The following ANO6 variants were observed in gnomAD, a reference collection of about 807,000 sequenced individuals.
ANO6 encodes anoctamin 6, also known as anoctamin-6.
Under a neutral mutation model 117.5 loss-of-function variants are expected in ANO6, and 106 were observed. The observed-to-expected ratio is 0.90, with a 90% CI of 0.77 to 1.06. The LOEUF is 1.06. Ranked by LOEUF, ANO6 falls within the 50% of genes least tolerant of loss-of-function variation. The probability of loss-of-function intolerance (pLI) is 0.00; values close to 1 mark genes in which losing one functional copy is unlikely to be tolerated. For missense variants in ANO6, 955 were observed against 1,121.1 expected, an observed-to-expected ratio of 0.85 and a Z score of 2.12; for synonymous variants, 367 against 385.1, an observed-to-expected ratio of 0.95 and a Z score of 0.55.
Position 45,417,013 on chromosome 12 carries a change from C to T in ANO6, c.2217+109C>T, listed in dbSNP as rs1382391934. The T allele has an allele frequency of 3.9e-6, 4 of 1,038,942 alleles. No individual in the cohort carries two copies. The African/African-American group carries it at 4.8e-5, about 12-fold the overall frequency. The allele number at this position is 1,038,942 out of a possible 1,614,324, so 64.4% of individuals were successfully genotyped here. A position where few individuals can be genotyped will look rare whatever the true frequency, so the allele number is the denominator to read the frequency against. ...TTAAAATGAGAGGAAGATGCTAAGT[C>T]TGTCATCCACATAAATGATATAGTT... On this transcript the variant is annotated intron_variant, in intron 17 of 19. Transcript: ENST00000320560.
intron 10 of ANO6, among the ~76,000 whole-genome samples, chr12:45,383,953 G>C (rs1040548637): frequency 6.6e-6 from 1 of 152,218 alleles, no homozygotes; most frequent in African/African-American, 2.4e-5. Flanking sequence ...CTCTAGCTGT[G>C]AAAGTCCCAG....
chr12:45,431,466 A>G lies in ANO6; in HGVS notation c.*2155A>G. The G allele has an allele frequency of 1.0e-6, 1 of 985,372 alleles. No homozygotes were observed. Among genetic ancestry groups the G allele is most frequent in the Non-Finnish European group, 1.2e-6 (1 of 829,920 alleles). 61.0% of individuals were successfully genotyped at this position (985,372 alleles called of 1,614,324 possible). On this transcript the variant is annotated 3_prime_UTR_variant, in exon 20 of 20. Coordinates refer to ENST00000320560, the MANE Select transcript of ANO6 (RefSeq NM_001025356.3). The stretch of plus-strand genomic sequence containing the variant: ...ATGATAGAACTTAAAAGAAATGTGC[A>G]TTTGTTTTCATAGCCCCAGCAGAGA...
At chr12:45,270,461 G>T in intron 1 of ANO6, 1 of 1,523,460 alleles carries the variant, frequency 6.6e-7, no homozygotes, top group Non-Finnish European at 8.8e-7. Context: ...TCATCCTTCA[G>T]GTGATGTTCC....
At chr12:45,230,086 A>G (rs1947552428) in intron 1 of ANO6, among the ~76,000 whole-genome samples, 1 of 152,036 alleles carries the variant, frequency 6.6e-6, no homozygotes, top group African/African-American at 2.4e-5. Context: ...GTTTTTTATT[A>G]GAGATTTCGC....
intron 19 of ANO6, among the ~76,000 whole-genome samples, chr12:45,438,247 GTGTA>G (rs1021245408): frequency 1.8e-5 from 2 of 113,462 alleles, no homozygotes; most frequent in African/African-American, 6.2e-5. Context: ...ACATATTTGC[GTGTA>G]TGTGTGTGTG....
chr12:45,228,792 C>T (rs73281306), intron 1 of ANO6, among the ~76,000 whole-genome samples: 2,081 of 152,288 alleles, frequency 0.014, 38 homozygotes, highest in African/African-American at 0.046. Context: ...TTCCCACTCA[C>T]GTTCCACCTT....
chr12:45,299,938 C>G (rs1006809269), intron 1 of ANO6, among the ~76,000 whole-genome samples: 2 of 152,124 alleles, frequency 1.3e-5, no homozygotes, highest in African/African-American at 4.8e-5. Context: ...TATTTGGTAA[C>G]TGAATTGGCT....
intron 1 of ANO6, among the ~76,000 whole-genome samples, chr12:45,279,229 T>C (rs1938646164): frequency 6.6e-6 from 1 of 152,182 alleles, no homozygotes; most frequent in African/African-American, 2.4e-5. Context: ...TGCCCTACCT[T>C]CAGTCCCACT....
intron 16 of ANO6, among the ~76,000 whole-genome samples, chr12:45,414,503 C>T (rs1943165010): frequency 6.6e-6 from 1 of 152,110 alleles, no homozygotes; most frequent in African/African-American, 2.4e-5. Flanking sequence ...TCCACTGCTT[C>T]AAAGTATCAC....
chr12:45,315,022 GAT>G (rs1939976019), intron 2 of ANO6, among the ~76,000 whole-genome samples: 1 of 152,044 alleles, frequency 6.6e-6, no homozygotes, highest in Admixed American at 6.6e-5. Context: ...ATGTTGGAAA[GAT>G]AATGTGGAAT....
intron 16 of ANO6, among the ~76,000 whole-genome samples, chr12:45,415,375 C>T (rs891530712): frequency 1.3e-5 from 2 of 152,218 alleles, no homozygotes; most frequent in African/African-American, 4.8e-5. Flanking sequence ...TCTGGCTTCT[C>T]TTGAACAATC....
intron 1 of ANO6, among the ~76,000 whole-genome samples, chr12:45,239,075 T>G (rs937714239): frequency 2.0e-5 from 3 of 152,216 alleles, no homozygotes; most frequent in African/African-American, 7.2e-5. Context: ...TAGGGAGGAT[T>G]CCCTCTTTTT....
intron 1 of ANO6, among the ~76,000 whole-genome samples, chr12:45,225,997 A>AT (rs201623656): frequency 1.6e-3 from 237 of 151,716 alleles, no homozygotes; most frequent in Non-Finnish European, 2.3e-3. Flanking sequence ...TTATGACATT[A>AT]TTTTTTTTTC....
chr12:45,303,483 A>G (rs1028570057), intron 2 of ANO6, among the ~76,000 whole-genome samples: 10 of 152,202 alleles, frequency 6.6e-5, no homozygotes, highest in Non-Finnish European at 1.3e-4. Context: ...TCTAATCTAA[A>G]AAGAACTGTG....
At chr12:45,418,948 T>C (rs951547524) in intron 17 of ANO6, among the ~76,000 whole-genome samples, 1 of 152,238 alleles carries the variant, frequency 6.6e-6, no homozygotes, top group African/African-American at 2.4e-5. Flanking sequence ...TTTATATGTG[T>C]GCTTGTGCAA....
At chr12:45,433,697 G>A (rs1365302270), downstream of ANO6, among the ~76,000 whole-genome samples, 3 of 152,028 alleles carry the variant, frequency 2.0e-5, no homozygotes, top group Non-Finnish European at 4.4e-5. Flanking sequence ...CCTCGTCACC[G>A]TCACCGTTAA....
chr12:45,412,746 T>C (rs935014127), intron 16 of ANO6, among the ~76,000 whole-genome samples: 1 of 152,224 alleles, frequency 6.6e-6, no homozygotes, highest in East Asian at 1.9e-4. Flanking sequence ...TATTAAGCAC[T>C]TGCTGTGCCA....
At chr12:45,307,665 A>C (rs1168992105) in intron 2 of ANO6, among the ~76,000 whole-genome samples, 2 of 152,100 alleles carry the variant, frequency 1.3e-5, no homozygotes, top group Non-Finnish European at 2.9e-5. Flanking sequence ...GGACGAAATG[A>C]GAGCAGCAAG....
intron 7 of ANO6, among the ~76,000 whole-genome samples, chr12:45,352,695 C>T (rs918346754): frequency 1.0e-4 from 15 of 148,848 alleles, no homozygotes; most frequent in Non-Finnish European, 1.8e-4. Context: ...TGTGCCACTG[C>T]ACTCTAGGGC....
Sources: gnomAD v4.1 joint callset for allele counts (sites outside exome capture counted in the v4.1 genomes callset) on GRCh38, gnomAD v4.1.1 for gene constraint, MANE v1.5 for transcripts, NCBI Gene and HGNC (gene_info 2026-07-23, HGNC 2026-07-21) for gene names.